ASIC2: variants seen among roughly 807,000 people sequenced by gnomAD.
The protein encoded by ASIC2 is acid-sensing ion channel 2.
Under a neutral mutation model 57.3 loss-of-function variants are expected in ASIC2, and 25 were observed. The observed-to-expected ratio is 0.44, with a 90% CI of 0.32 to 0.61. ASIC2 has a LOEUF of 0.61. Ranked by LOEUF, ASIC2 falls within the 20% of genes least tolerant of loss-of-function variation. ASIC2 has a pLI of 0.06. For synonymous variants in ASIC2, 319 were observed against 307.5 expected (o/e 1.04, Z -0.39); for missense variants, 641 against 738.1 (o/e 0.87, Z 1.52).
intron 1 of ASIC2, among the ~76,000 whole-genome samples, chr17:33,779,766 T>C (rs12449374): frequency 0.076 from 11,498 of 152,152 alleles, 502 homozygotes; most frequent in East Asian, 0.22. Flanking sequence ...TCACTGGATG[T>C]TTACCGCATG....
intron 1 of ASIC2, among the ~76,000 whole-genome samples, chr17:33,267,014 A>C (rs1243879717): frequency 5.9e-5 from 9 of 152,198 alleles, no homozygotes; most frequent in Admixed American, 5.9e-4. Flanking sequence ...TCTCAAAATT[A>C]ATGAAATTTT....
At chr17:33,279,384 G>T (rs73985308) in intron 1 of ASIC2, among the ~76,000 whole-genome samples, 1,673 of 152,280 alleles carry the variant, frequency 0.011, 28 homozygotes, top group African/African-American at 0.038. Flanking sequence ...GGACATGGAA[G>T]CTGGAAAATT....
At chr17:33,593,925 A>T (rs1904905092) in intron 1 of ASIC2, among the ~76,000 whole-genome samples, 1 of 152,196 alleles carries the variant, frequency 6.6e-6, no homozygotes, top group African/African-American at 2.4e-5. Flanking sequence ...ATAAATCAAT[A>T]TTCAGGGAGT....
intron 1 of ASIC2, among the ~76,000 whole-genome samples, chr17:33,853,053 C>T (rs1913818075): frequency 6.6e-6 from 1 of 152,214 alleles, no homozygotes; most frequent in Non-Finnish European, 1.5e-5. Context: ...GTCTCACCCA[C>T]ACAAGTGAGT....
chr17:33,462,476 G>C (rs140727534), intron 1 of ASIC2, among the ~76,000 whole-genome samples: 92 of 152,334 alleles, frequency 6.0e-4, no homozygotes, highest in Admixed American at 8.5e-4. Context: ...GGATGAAAGA[G>C]ACGTAAGATA....
intron 1 of ASIC2, among the ~76,000 whole-genome samples, chr17:33,343,218 C>G (rs1567829090): frequency 6.6e-6 from 1 of 152,194 alleles, no homozygotes; most frequent in Non-Finnish European, 1.5e-5. Context: ...AACCCACTTA[C>G]ACGTTCAGGG....
intron 1 of ASIC2, among the ~76,000 whole-genome samples, chr17:34,055,010 C>T (rs1001662847): frequency 6.6e-6 from 1 of 152,108 alleles, no homozygotes; most frequent in Non-Finnish European, 1.5e-5. Context: ...CATCCAAAGG[C>T]CCTGCATTTG....
chr17:33,717,834 T>A (rs572423790), intron 1 of ASIC2, among the ~76,000 whole-genome samples: 1 of 152,318 alleles, frequency 6.6e-6, no homozygotes, highest in East Asian at 1.9e-4. Flanking sequence ...ATGAGGGCAA[T>A]GGATATAAAA....
rs1299510967 is a variant in ASIC2 at position 34,015,441 on chromosome 17, T to C, written c.555+140537A>G. ...GGATTCCAGGCCAAAGAATGTTGAG[T>C]GTGATCCTGTTGGAGTGCCATCCGG... is the stretch of plus-strand genomic sequence containing the variant. On this transcript the variant is annotated intron_variant, in intron 1 of 9. Transcript: ENST00000359872. 3.9e-5 allele frequency among the ~76,000 whole-genome samples: 6 copies of C among 152,252 alleles called. No homozygotes were observed. The East Asian group carries it at 1.2e-3, about 29-fold the overall frequency.
intron 1 of ASIC2, among the ~76,000 whole-genome samples, chr17:33,162,625 G>A (rs1905193639): frequency 6.6e-6 from 1 of 152,070 alleles, no homozygotes; most frequent in African/African-American, 2.4e-5. Context: ...TTCTCCTCAG[G>A]GCCAGCTCAG....
chr17:33,586,800 C>A (rs112349212), intron 1 of ASIC2, among the ~76,000 whole-genome samples: 499 of 152,336 alleles, frequency 3.3e-3, no homozygotes, highest in African/African-American at 0.011. Flanking sequence ...TCCATCACAT[C>A]ATGCTACTTA....
intron 1 of ASIC2, among the ~76,000 whole-genome samples, chr17:33,282,484 T>TGC: frequency 6.7e-6 from 1 of 149,948 alleles, no homozygotes; most frequent in Non-Finnish European, 1.5e-5. Context: ...TGCTTGTGTG[T>TGC]GTGTGTGTGT....
At chr17:33,323,899 G>A (rs1194105793) in intron 1 of ASIC2, among the ~76,000 whole-genome samples, 1 of 151,838 alleles carries the variant, frequency 6.6e-6, no homozygotes, top group African/African-American at 2.4e-5. Flanking sequence ...GTGTTTCATT[G>A]GTGCTGGTAA....
intron 1 of ASIC2, among the ~76,000 whole-genome samples, chr17:33,842,392 G>T (rs1182488409): frequency 1.3e-5 from 2 of 152,070 alleles, no homozygotes; most frequent in Non-Finnish European, 2.9e-5. Context: ...TACCATACAG[G>T]GTCATTCTAA....
intron 1 of ASIC2, among the ~76,000 whole-genome samples, chr17:33,550,233 G>A (rs1019704909): frequency 4.6e-5 from 7 of 152,152 alleles, no homozygotes; most frequent in Non-Finnish European, 1.0e-4. Context: ...ATGGAGGAGT[G>A]CAAATACCGG....
intron 1 of ASIC2, among the ~76,000 whole-genome samples, chr17:33,498,047 G>C (rs1913990969): frequency 6.6e-6 from 1 of 152,216 alleles, no homozygotes; most frequent in Admixed American, 6.5e-5. Flanking sequence ...GATACCGAGG[G>C]AGATGAAGAA....
chr17:33,264,242 G>A (rs1278625250), intron 1 of ASIC2, among the ~76,000 whole-genome samples: 3 of 152,182 alleles, frequency 2.0e-5, no homozygotes, highest in African/African-American at 7.2e-5. Context: ...AGCACATTGT[G>A]GGCACTTCCA....
At chr17:34,110,970 T>C (rs1036189706) in intron 1 of ASIC2, among the ~76,000 whole-genome samples, 5 of 152,108 alleles carry the variant, frequency 3.3e-5, no homozygotes, top group Non-Finnish European at 5.9e-5. Context: ...ATGCCTGTAA[T>C]CCCAGCACCT....
intron 1 of ASIC2, among the ~76,000 whole-genome samples, chr17:33,289,032 T>C (rs1905308806): frequency 6.6e-6 from 1 of 152,306 alleles, no homozygotes; most frequent in African/African-American, 2.4e-5. Context: ...AAATAGCTTC[T>C]GGCTTCTACA....
Sources: allele counts gnomAD v4.1 joint callset (sites outside exome capture counted in the v4.1 genomes callset), GRCh38; gene constraint gnomAD v4.1.1; transcripts MANE v1.5; gene names NCBI Gene and HGNC (gene_info 2026-07-23, HGNC 2026-07-21).